The following ARHGAP12 variants were observed in gnomAD, a reference collection of about 807,000 sequenced individuals.
The protein encoded by ARHGAP12 is Rho GTPase activating protein 12.
In ARHGAP12, 64 loss-of-function variants were observed where a neutral mutation model predicts 108.6. The observed-to-expected ratio is 0.59, with a 90% CI of 0.48 to 0.73. ARHGAP12 has a LOEUF of 0.73. ARHGAP12 is among the 30% of genes least tolerant of loss of function. The pLI is 0.00. For synonymous variants in ARHGAP12, 312 were observed against 337.2 expected, an observed-to-expected ratio of 0.93 and a Z score of 0.82; for missense variants, 940 against 1,005.9, an observed-to-expected ratio of 0.93 and a Z score of 0.89.
intron 3 of ARHGAP12, among the ~76,000 whole-genome samples, chr10:31,884,185 CTGTG>C (rs1406775049): frequency 9.3e-5 from 14 of 150,158 alleles, no homozygotes; most frequent in Non-Finnish European, 1.9e-4. Context: ...AAGAATTCAT[CTGTG>C]TGAGTTCATA....
At chr10:31,882,312 C>G (rs1838001093) in intron 3 of ARHGAP12, among the ~76,000 whole-genome samples, 1 of 152,070 alleles carries the variant, frequency 6.6e-6, no homozygotes, top group East Asian at 1.9e-4. Flanking sequence ...TGGAGTTTAG[C>G]AACTGATATC....
intron 11 of ARHGAP12, 22 bp downstream of exon 11, chr10:31,826,282 T>G (rs1835602087): frequency 6.4e-7 from 1 of 1,573,898 alleles, no homozygotes; most frequent in South Asian, 1.2e-5. Flanking sequence ...GTATAAAATC[T>G]CCAAAGAGAA....
chr10:31,815,582 T>A (rs1426496180), intron 13 of ARHGAP12, among the ~76,000 whole-genome samples: 3 of 152,210 alleles, frequency 2.0e-5, no homozygotes, highest in South Asian at 2.1e-4. Context: ...AATTTTAGAA[T>A]AAGCTTGTCA....
chr10:31,922,553 G>A (rs1380806431), intron 1 of ARHGAP12, among the ~76,000 whole-genome samples: 1 of 151,934 alleles, frequency 6.6e-6, no homozygotes, highest in Non-Finnish European at 1.5e-5. Flanking sequence ...ACAGGTGCAT[G>A]CTACCATGCC....
At chr10:31,866,311 C>T (rs892165577) in intron 3 of ARHGAP12, among the ~76,000 whole-genome samples, 2 of 152,174 alleles carry the variant, frequency 1.3e-5, no homozygotes, top group Non-Finnish European at 2.9e-5. Flanking sequence ...CAGCTACCAG[C>T]CATGAGGATC....
chr10:31,841,451 T>C (rs1836262800), intron 7 of ARHGAP12, among the ~76,000 whole-genome samples: 1 of 152,166 alleles, frequency 6.6e-6, no homozygotes, highest in East Asian at 1.9e-4. Context: ...TTTTGATCTT[T>C]TCCTGGGCTA....
intron 9 of ARHGAP12, among the ~76,000 whole-genome samples, chr10:31,832,871 A>C (rs540478599): frequency 6.6e-6 from 1 of 152,292 alleles, no homozygotes; most frequent in Admixed American, 6.5e-5. Flanking sequence ...ACAAACTGCT[A>C]TGTCAATTTA....
chr10:31,873,667 C>CT (rs1181720931), intron 3 of ARHGAP12, among the ~76,000 whole-genome samples: 1 of 152,162 alleles, frequency 6.6e-6, no homozygotes, highest in African/African-American at 2.4e-5. Flanking sequence ...CCAAAGACCC[C>CT]TTTCTCAAGC....
chr10:31,915,577 A>G (rs369565750), intron 1 of ARHGAP12, among the ~76,000 whole-genome samples: 1 of 152,218 alleles, frequency 6.6e-6, no homozygotes, highest in African/African-American at 2.4e-5. Context: ...AAAACTGTAA[A>G]GAGAGTGGAT....
chr10:31,882,125 G>A (rs779125960), intron 3 of ARHGAP12, among the ~76,000 whole-genome samples: 3 of 151,904 alleles, frequency 2.0e-5, no homozygotes, highest in Non-Finnish European at 2.9e-5. Flanking sequence ...CGTTTTAGCC[G>A]GGATGGTCTC....
At chr10:31,852,686 T>C (rs183249835) in intron 5 of ARHGAP12, 89 bp from the exon 6 acceptor site, 47 of 849,868 alleles carry the variant, frequency 5.5e-5, no homozygotes, top group African/African-American at 3.1e-4. Flanking sequence ...TTAATTCTTA[T>C]GAATTTTATT....
chr10:31,824,395 T>A (rs185091547), intron 11 of ARHGAP12, among the ~76,000 whole-genome samples: 98 of 152,290 alleles, frequency 6.4e-4, no homozygotes, highest in African/African-American at 2.3e-3. Context: ...TTCCCTGTAA[T>A]TAAAAATTCA....
chr10:31,897,563 A>G (rs575704550), intron 3 of ARHGAP12, among the ~76,000 whole-genome samples: 1 of 152,212 alleles, frequency 6.6e-6, no homozygotes, highest in African/African-American at 2.4e-5. Context: ...TACTAAGGAA[A>G]ATCTCTTAGA....
chr10:31,871,931 T>A (rs1837557041), intron 3 of ARHGAP12, among the ~76,000 whole-genome samples: 1 of 152,162 alleles, frequency 6.6e-6, no homozygotes, highest in Non-Finnish European at 1.5e-5. Flanking sequence ...AGAGCCCACA[T>A]CTCTCCAGTC....
chr10:31,878,214 T>G (rs79356810), intron 3 of ARHGAP12, among the ~76,000 whole-genome samples: 1,842 of 151,806 alleles, frequency 0.012, 46 homozygotes, highest in African/African-American at 0.042. Context: ...ACAGAATAAG[T>G]TGAAAAAGAA....
At chr10:31,808,603 T>C (rs1413718554) in intron 19 of ARHGAP12, 46 bp downstream of exon 19, 1 of 1,563,864 alleles carries the variant, frequency 6.4e-7, no homozygotes, top group East Asian at 2.3e-5. Context: ...GCCTTCCCGC[T>C]TCCCCTTGTG....
chr10:31,907,122 A>C (rs915777057), intron 3 of ARHGAP12, among the ~76,000 whole-genome samples: 1 of 152,106 alleles, frequency 6.6e-6, no homozygotes, highest in Non-Finnish European at 1.5e-5. Flanking sequence ...ATCAGACCAC[A>C]CCTAAGGGCA....
intron 15 of ARHGAP12, 114 bp downstream of exon 15, chr10:31,812,593 C>A: frequency 2.9e-6 from 2 of 691,352 alleles, no homozygotes; most frequent in Non-Finnish European, 4.7e-6. Context: ...TACTTGAATA[C>A]ATGAATAAAG....
chr10:31,862,313 C>T (rs994401385), intron 3 of ARHGAP12, among the ~76,000 whole-genome samples: 3 of 152,072 alleles, frequency 2.0e-5, no homozygotes, highest in African/African-American at 7.2e-5. Flanking sequence ...TGTGAATTTC[C>T]TAACAGTAGA....
Sources: allele counts gnomAD v4.1 joint callset (sites outside exome capture counted in the v4.1 genomes callset), GRCh38; gene constraint gnomAD v4.1.1; transcripts MANE v1.5; gene names NCBI Gene and HGNC (gene_info 2026-07-23, HGNC 2026-07-21).